The following FILIP1L variants were observed in gnomAD, a reference collection of about 807,000 sequenced individuals.
FILIP1L encodes the protein filamin A-interacting protein 1-like.
FILIP1L carries 55 observed loss-of-function variants against 96.6 expected under a neutral mutation model. The ratio of observed to expected loss-of-function variants is 0.57; its 90% CI spans 0.46 to 0.71. The LOEUF is 0.71. Ranked by LOEUF, FILIP1L falls within the 30% of genes least tolerant of loss-of-function variation. The pLI is 0.00. For missense variants in FILIP1L, 1,304 were observed against 1,321.2 expected (o/e 0.99, Z 0.20); for synonymous variants, 467 against 473.9 (o/e 0.99, Z 0.19).
intron 4 of FILIP1L, among the ~76,000 whole-genome samples, chr3:99,913,706 G>A (rs1444624037): frequency 6.6e-6 from 1 of 152,170 alleles, no homozygotes; most frequent in African/African-American, 2.4e-5. Context: ...TATCTTTGAG[G>A]AGTAGGAAGT....
At chr3:99,995,341 G>A (rs921608743) in intron 1 of FILIP1L, among the ~76,000 whole-genome samples, 2 of 152,196 alleles carry the variant, frequency 1.3e-5, no homozygotes, top group Admixed American at 6.5e-5. Flanking sequence ...AGGTCACACT[G>A]ATGTAAGAGG....
chr3:99,833,192 G>C (rs886667118), intron 5 of FILIP1L: 3 of 1,573,314 alleles, frequency 1.9e-6, no homozygotes, highest in Non-Finnish European at 2.6e-6. Flanking sequence ...TCAACATGAA[G>C]ACTGGGATTT....
intron 5 of FILIP1L, among the ~76,000 whole-genome samples, chr3:99,842,263 C>T (rs190699393): frequency 3.9e-5 from 6 of 152,214 alleles, no homozygotes; most frequent in African/African-American, 1.4e-4. Context: ...TGTTCTCACT[C>T]ATAAGGAGGA....
chr3:99,963,316 T>G (rs1335108924), intron 1 of FILIP1L, among the ~76,000 whole-genome samples: 5 of 152,224 alleles, frequency 3.3e-5, no homozygotes, highest in Non-Finnish European at 5.9e-5. Context: ...AAGTGCTTCT[T>G]GGGAACAGAA....
intron 4 of FILIP1L, among the ~76,000 whole-genome samples, chr3:99,867,365 TTG>T (rs1187617673): frequency 6.6e-6 from 1 of 152,210 alleles, no homozygotes; most frequent in Non-Finnish European, 1.5e-5. Flanking sequence ...ATATCTTACC[TTG>T]TGATTTGAAT....
intron 1 of FILIP1L, among the ~76,000 whole-genome samples, chr3:100,065,275 T>G (rs1480709257): frequency 6.6e-6 from 1 of 152,204 alleles, no homozygotes; most frequent in Non-Finnish European, 1.5e-5. Flanking sequence ...AATATCCAGA[T>G]AATGCTTTTT....
intron 3 of FILIP1L, among the ~76,000 whole-genome samples, chr3:99,929,513 A>T (rs1443169452): frequency 1.3e-5 from 2 of 148,168 alleles, no homozygotes; most frequent in South Asian, 2.2e-4. Context: ...AAGTTCCCAG[A>T]GTGTGTGTGT....
intron 1 of FILIP1L, chr3:100,023,204 G>A (rs1011553289): frequency 6.6e-6 from 1 of 151,796 alleles, no homozygotes; most frequent in Non-Finnish European, 1.5e-5. Flanking sequence ...TATCCCCAAT[G>A]CAGTAACCCT....
At chr3:99,888,177 T>C (rs901654112) in intron 4 of FILIP1L, among the ~76,000 whole-genome samples, 1 of 152,188 alleles carries the variant, frequency 6.6e-6, no homozygotes, top group African/African-American at 2.4e-5. Flanking sequence ...TGTAATTAAA[T>C]AGGAGACTTT....
chr3:99,858,639 T>A (rs1239969016), intron 4 of FILIP1L, among the ~76,000 whole-genome samples: 2 of 152,204 alleles, frequency 1.3e-5, no homozygotes, highest in Non-Finnish European at 1.5e-5. Context: ...GACAGCTGTA[T>A]CCTCAGATCT....
At chr3:100,014,975 T>A (rs1462311355) in intron 1 of FILIP1L, among the ~76,000 whole-genome samples, 1 of 140,540 alleles carries the variant, frequency 7.1e-6, no homozygotes, top group Non-Finnish European at 1.5e-5. Context: ...CCTACCAATA[T>A]CAAGAAGCTT....
At chr3:100,009,146 A>C (rs920015611) in intron 1 of FILIP1L, among the ~76,000 whole-genome samples, 7 of 152,354 alleles carry the variant, frequency 4.6e-5, no homozygotes, top group African/African-American at 1.7e-4. Flanking sequence ...AATTGAGTGC[A>C]AGTGACTGAA....
chr3:99,876,053 G>A, intron 4 of FILIP1L: 6 of 985,790 alleles, frequency 6.1e-6, no homozygotes, highest in Non-Finnish European at 7.2e-6. Flanking sequence ...GTGGAGCGAA[G>A]TTGCTCTCCC....
At chr3:99,854,813 G>A (rs1437079789) in intron 4 of FILIP1L, among the ~76,000 whole-genome samples, 1 of 152,122 alleles carries the variant, frequency 6.6e-6, no homozygotes, top group Non-Finnish European at 1.5e-5. Flanking sequence ...AATTAAACAG[G>A]TGCAACTGAG....
chr3:100,034,982 A>T (rs2065082343), intron 1 of FILIP1L, among the ~76,000 whole-genome samples: 1 of 152,166 alleles, frequency 6.6e-6, no homozygotes, highest in South Asian at 2.1e-4. Context: ...GTCAAGAAAA[A>T]AGCCATTTTG....
At chr3:99,932,086 A>G (rs187510676) in intron 1 of FILIP1L, among the ~76,000 whole-genome samples, 1 of 152,218 alleles carries the variant, frequency 6.6e-6, no homozygotes, top group Non-Finnish European at 1.5e-5. Context: ...CAAATTTATA[A>G]AATTTTAATA....
intron 1 of FILIP1L, among the ~76,000 whole-genome samples, chr3:99,945,168 G>A (rs758690273): frequency 1.2e-4 from 18 of 152,232 alleles, no homozygotes; most frequent in Admixed American, 1.3e-4. Context: ...CTATGAGTTC[G>A]GGTTAAGTCC....
chr3:100,073,469 G>A (rs906632812), intron 1 of FILIP1L, among the ~76,000 whole-genome samples: 1 of 152,120 alleles, frequency 6.6e-6, no homozygotes, highest in Admixed American at 6.5e-5. Context: ...AAAAGACTGG[G>A]GTAGAGGAGA....
intron 1 of FILIP1L, among the ~76,000 whole-genome samples, chr3:100,003,596 A>G (rs570500725): frequency 6.6e-6 from 1 of 152,258 alleles, no homozygotes; most frequent in African/African-American, 2.4e-5. Context: ...CCTTGACACT[A>G]AGTACAGTGT....
Sources: gnomAD v4.1 joint callset for allele counts (sites outside exome capture counted in the v4.1 genomes callset) on GRCh38, gnomAD v4.1.1 for gene constraint, MANE v1.5 for transcripts, NCBI Gene and HGNC (gene_info 2026-07-23, HGNC 2026-07-21) for gene names.